The following GRM8 variants were observed in gnomAD, a reference collection of about 807,000 sequenced individuals.
GRM8 encodes glutamate metabotropic receptor 8, also known as metabotropic glutamate receptor 8.
GRM8 carries 47 observed loss-of-function variants against 87.2 expected under a neutral mutation model. The ratio of observed to expected loss-of-function variants is 0.54; its 90% CI spans 0.43 to 0.69. The LOEUF is 0.69. Ranked by LOEUF, GRM8 falls within the 30% of genes least tolerant of loss-of-function variation. The probability of loss-of-function intolerance (pLI) is 0.00; values close to 1 mark genes in which losing one functional copy is unlikely to be tolerated. For missense variants in GRM8, 1,019 were observed against 1,139.2 expected (o/e 0.89, Z 1.52); for synonymous variants, 396 against 404.5 (o/e 0.98, Z 0.25).
intron 6 of GRM8, among the ~76,000 whole-genome samples, chr7:126,800,572 A>C (rs1822555077): frequency 6.6e-6 from 1 of 152,198 alleles, no homozygotes; most frequent in Non-Finnish European, 1.5e-5. Flanking sequence ...CTTGCAGCTC[A>C]CATCATCCCA....
At chr7:126,584,492 T>C (rs1308121799) in intron 8 of GRM8, among the ~76,000 whole-genome samples, 1 of 152,176 alleles carries the variant, frequency 6.6e-6, no homozygotes, top group East Asian at 1.9e-4. Context: ...TGTTGACCGA[T>C]TGTCTCAATG....
At chr7:127,220,257 A>T (rs1335526907) in intron 2 of GRM8, among the ~76,000 whole-genome samples, 2 of 152,168 alleles carry the variant, frequency 1.3e-5, no homozygotes, top group African/African-American at 4.8e-5. Flanking sequence ...ATGGACATAT[A>T]TGAAAATACA....
intron 8 of GRM8, among the ~76,000 whole-genome samples, chr7:126,596,306 C>T (rs1304984480): frequency 1.3e-5 from 2 of 152,128 alleles, no homozygotes; most frequent in African/African-American, 4.8e-5. Context: ...TTCTCCATAA[C>T]CTCACCAGCA....
At chr7:127,123,024 T>A (rs1827172597) in intron 2 of GRM8, among the ~76,000 whole-genome samples, 1 of 152,210 alleles carries the variant, frequency 6.6e-6, no homozygotes, top group African/African-American at 2.4e-5. Flanking sequence ...TTTAATCCCC[T>A]GTAGCAGGAG....
chr7:126,440,268 C>T (rs974853037), intron 10 of GRM8, among the ~76,000 whole-genome samples: 7 of 151,516 alleles, frequency 4.6e-5, no homozygotes, highest in South Asian at 2.1e-4. Flanking sequence ...AAAAATTAGC[C>T]GAGCATAGTG....
At chr7:127,148,190 T>C (rs377518292) in intron 2 of GRM8, among the ~76,000 whole-genome samples, 43 of 152,090 alleles carry the variant, frequency 2.8e-4, no homozygotes, top group African/African-American at 8.2e-4. Context: ...TCGATTCAGG[T>C]ATCTCTACTT....
chr7:126,768,357 T>TA (rs57868820), intron 7 of GRM8, among the ~76,000 whole-genome samples: 1 of 53,550 alleles, frequency 1.9e-5, no homozygotes, highest in Non-Finnish European at 3.1e-5. Context: ...TTTGATAATG[T>TA]AAAAAAAAAA....
At chr7:126,916,277 C>A (rs1803893111) in intron 3 of GRM8, among the ~76,000 whole-genome samples, 1 of 152,174 alleles carries the variant, frequency 6.6e-6, no homozygotes, top group South Asian at 2.1e-4. Context: ...CAGTTAAACA[C>A]CCCAGTGTAT....
chr7:127,026,916 A>G (rs1248086817), intron 3 of GRM8, among the ~76,000 whole-genome samples: 1 of 152,134 alleles, frequency 6.6e-6, no homozygotes, highest in Admixed American at 6.5e-5. Flanking sequence ...GCCCATGCCT[A>G]TGTCCTGAAT....
At chr7:126,738,711 T>C (rs1296603577) in intron 7 of GRM8, among the ~76,000 whole-genome samples, 2 of 110,968 alleles carry the variant, frequency 1.8e-5, no homozygotes, top group Admixed American at 9.6e-5. Flanking sequence ...AGTGGGGGGT[T>C]GGGGGATGCA....
At chr7:126,475,206 A>G (rs1323592817) in intron 9 of GRM8, among the ~76,000 whole-genome samples, 2 of 152,182 alleles carry the variant, frequency 1.3e-5, no homozygotes, top group Non-Finnish European at 2.9e-5. Context: ...ATGTTTACAA[A>G]TGACATGATT....
chr7:126,896,713 A>T (rs1801576189), intron 6 of GRM8, among the ~76,000 whole-genome samples: 1 of 152,098 alleles, frequency 6.6e-6, no homozygotes, highest in Non-Finnish European at 1.5e-5. Flanking sequence ...GAAGAAACAT[A>T]TTTGTGCGTT....
At chr7:126,827,657 C>T (rs546187542) in intron 6 of GRM8, among the ~76,000 whole-genome samples, 1 of 152,206 alleles carries the variant, frequency 6.6e-6, no homozygotes, top group Non-Finnish European at 1.5e-5. Context: ...ATGTCATCTG[C>T]AAACAGAGAC....
intron 3 of GRM8, among the ~76,000 whole-genome samples, chr7:127,035,398 A>T (rs1333694182): frequency 2.6e-5 from 4 of 152,128 alleles, no homozygotes; most frequent in African/African-American, 9.7e-5. Flanking sequence ...GCATAAATTA[A>T]CCAAGTGATT....
intron 2 of GRM8, among the ~76,000 whole-genome samples, chr7:127,138,860 C>G (rs1272089328): frequency 6.6e-6 from 1 of 152,098 alleles, no homozygotes; most frequent in Admixed American, 6.6e-5. Context: ...ACAAAGAAAA[C>G]AGAGTCCAAT....
intron 6 of GRM8, among the ~76,000 whole-genome samples, chr7:126,827,773 C>T (rs544724646): frequency 6.6e-4 from 101 of 152,316 alleles, no homozygotes; most frequent in Non-Finnish European, 1.1e-3. Flanking sequence ...TGAGAGAGGG[C>T]ATCCCTGTCT....
At chr7:126,481,396 T>A (rs1437647068) in intron 9 of GRM8, among the ~76,000 whole-genome samples, 1 of 152,022 alleles carries the variant, frequency 6.6e-6, no homozygotes, top group Non-Finnish European at 1.5e-5. Context: ...AACTTCATAA[T>A]GGAGAAATCT....
intron 9 of GRM8, among the ~76,000 whole-genome samples, chr7:126,524,599 T>C (rs997880385): frequency 1.3e-5 from 2 of 152,202 alleles, no homozygotes; most frequent in East Asian, 3.8e-4. Context: ...TTATTTCCAT[T>C]CTTTGTCTCT....
intron 3 of GRM8, among the ~76,000 whole-genome samples, chr7:126,972,000 A>G (rs2131778528): frequency 6.6e-6 from 1 of 152,286 alleles, no homozygotes; most frequent in African/African-American, 2.4e-5. Context: ...AGTGTGCACA[A>G]TTCCGTGGAG....
Sources: allele counts gnomAD v4.1 joint callset (sites outside exome capture counted in the v4.1 genomes callset), GRCh38; gene constraint gnomAD v4.1.1; transcripts MANE v1.5; gene names NCBI Gene and HGNC (gene_info 2026-07-23, HGNC 2026-07-21).